The following MAPK8IP3 variants were observed in gnomAD, a reference collection of about 807,000 sequenced individuals.
The protein encoded by MAPK8IP3 is C-Jun-amino-terminal kinase-interacting protein 3.
A neutral mutation model predicts 157.8 loss-of-function variants in MAPK8IP3; 49 were observed. The observed-to-expected ratio is 0.31, with a 90% CI of 0.25 to 0.39. MAPK8IP3 has a LOEUF of 0.39. Ranked by LOEUF, MAPK8IP3 falls within the 10% of genes least tolerant of loss-of-function variation. The probability of loss-of-function intolerance (pLI) is 1.00; values close to 1 mark genes in which losing one functional copy is unlikely to be tolerated. For synonymous variants in MAPK8IP3, 897 were observed against 777.7 expected, an observed-to-expected ratio of 1.15 and a Z score of -2.55; for missense variants, 1,478 against 1,889.4, an observed-to-expected ratio of 0.78 and a Z score of 4.04.
rs553302663 is a variant in MAPK8IP3, at chr16:1,724,500, G to C, written c.319-57G>C. 6.3e-7 allele frequency: 1 copy of C among 1,581,126 alleles called. No individual in the cohort carries two copies. Among genetic ancestry groups the C allele is most frequent in the Non-Finnish European group, 8.6e-7 (1 of 1,160,480 alleles). ...AAAGCCTGCGGCCCTTCAAGTGAAA[G>C]GCGGCTGCTCCACACTCACTCCTGA... On this transcript the variant is annotated intron_variant, in intron 1 of 31. Coordinates refer to ENST00000610761, the MANE Select transcript of MAPK8IP3 (RefSeq NM_001318852.2). This position sits in a 1 kb window ranked among gnomAD's most constrained non-coding sequence, Gnocchi z 4.1.
rs1197092661 is a variant in MAPK8IP3 at position 1,706,962 on chromosome 16, G to A, written c.318+305G>A. Among the ~76,000 whole-genome samples, 2 of 100,878 alleles carry A rather than the reference G, an allele frequency of 2.0e-5. No individual in the cohort carries two copies. The highest frequency in any genetic ancestry group is 7.9e-5 in the African/African-American group (2 of 25,406). 66.2% of individuals were successfully genotyped at this position (100,878 alleles called of 152,430 possible). On this transcript the variant is annotated intron_variant, in intron 1 of 31. Coordinates refer to ENST00000610761, the MANE Select transcript of MAPK8IP3 (RefSeq NM_001318852.2). This position sits in a 1 kb window ranked among gnomAD's most constrained non-coding sequence, Gnocchi z 5.1. ...GGCCTGGGCCCTGGCCCCCTCCTCC[G>A]TGCCCCCAGCCCTGAATCTTCAGCC...
intron 8 of MAPK8IP3, among the ~76,000 whole-genome samples, chr16:1,752,766 A>AAG (rs899468656): frequency 2.1e-5 from 3 of 144,354 alleles, no homozygotes; most frequent in Non-Finnish European, 4.6e-5. Flanking sequence ...AAAAAAAAAA[A>AAG]AGAGAGAAGG....
At chr16:1,715,822 G>A (rs1020981821) in intron 1 of MAPK8IP3, among the ~76,000 whole-genome samples, 1 of 151,540 alleles carries the variant, frequency 6.6e-6, no homozygotes, top group African/African-American at 2.4e-5. Flanking sequence ...TCTGCCTCCC[G>A]GGTTCAAGCG....
intron 1 of MAPK8IP3, among the ~76,000 whole-genome samples, chr16:1,721,528 G>A (rs915686621): frequency 1.1e-4 from 16 of 152,052 alleles, no homozygotes; most frequent in African/African-American, 3.6e-4. Flanking sequence ...GACCTCCTGG[G>A]GTCACTGCAG....
intron 5 of MAPK8IP3, chr16:1,746,063 C>T (rs2040941923): frequency 6.6e-6 from 1 of 152,264 alleles, no homozygotes; most frequent in African/African-American, 2.4e-5. Context: ...GGTGCGCCCT[C>T]TGAGAGACCA....
rs1433533181 is a variant in MAPK8IP3 at position 1,724,080 on chromosome 16, A to T, written c.319-477A>T. Among the ~76,000 whole-genome samples, 1 of 152,032 alleles carries T rather than the reference A, an allele frequency of 6.6e-6. No homozygotes were observed. The highest frequency in any genetic ancestry group is 2.4e-5 in the African/African-American group (1 of 41,382). The stretch of plus-strand genomic sequence containing the variant: ...GCGTGGAGTTGAGGGGAGTCAGATG[A>T]CTCCATTGCAAACAGGACTGGCTGT... On this transcript the variant is annotated intron_variant, in intron 1 of 31. Coordinates refer to ENST00000610761, the MANE Select transcript of MAPK8IP3 (RefSeq NM_001318852.2). This position sits in a 1 kb window ranked among gnomAD's most constrained non-coding sequence, Gnocchi z 4.1.
chr16:1,755,402 G>T (rs1474537881), intron 8 of MAPK8IP3, among the ~76,000 whole-genome samples: 1 of 152,190 alleles, frequency 6.6e-6, no homozygotes, highest in Non-Finnish European at 1.5e-5. Flanking sequence ...TGGCACCTGT[G>T]GTCCTAGCTA....
chr16:1,727,255 C>G (rs895503738), intron 2 of MAPK8IP3, among the ~76,000 whole-genome samples: 3 of 128,592 alleles, frequency 2.3e-5, no homozygotes, highest in South Asian at 2.6e-4. Flanking sequence ...CTGTGTGACT[C>G]TGCTGTGTGT....
At chr16:1,767,412 C>A in intron 26 of MAPK8IP3, 115 bp downstream of exon 26, 1 of 1,507,240 alleles carries the variant, frequency 6.6e-7, no homozygotes. Flanking sequence ...CTCCCCTGTA[C>A]CACCTATGAC....
chr16:1,734,065 G>T (rs114505199), intron 4 of MAPK8IP3, among the ~76,000 whole-genome samples: 2,820 of 152,340 alleles, frequency 0.019, 97 homozygotes, highest in African/African-American at 0.063. Flanking sequence ...TCTCATCCAG[G>T]TTTACACCAA....
Position 1,766,128 on chromosome 16 carries a change from T to G in MAPK8IP3, c.2615T>G (p.Leu872Arg). ...TCCTCCCGAGGGGACACCCCAGTGC[T>G]AGACAAGGGGCAGGGTGAGTCCTGG... is the stretch of plus-strand genomic sequence containing the variant. ...NCSSRGDTPV[L>R]DKGQGEVATI... Residue 872 changes from leucine to arginine, a missense_variant, in exon 21 of 32, where the codon CTA becomes CGA. This residue lies in a region of MAPK8IP3 where 669 missense variants were observed against 759.8 expected (regional missense o/e 0.88). Transcript: ENST00000610761. 1 of 1,611,328 alleles carries G rather than the reference T, an allele frequency of 6.2e-7. No homozygotes were observed. Among genetic ancestry groups the G allele is most frequent in the Admixed American group, 1.7e-5 (1 of 59,970 alleles).
intron 4 of MAPK8IP3, among the ~76,000 whole-genome samples, chr16:1,732,426 A>C (rs1319719172): frequency 6.6e-6 from 1 of 152,226 alleles, no homozygotes; most frequent in African/African-American, 2.4e-5. Flanking sequence ...CACGTTCTGG[A>C]TGATACAGAA....
chr16:1,707,557 C>T (rs2037481780), intron 1 of MAPK8IP3: 1 of 152,322 alleles, frequency 6.6e-6, no homozygotes, highest in Non-Finnish European at 1.5e-5. Context: ...GGGAGCACCA[C>T]TTAGCTTCAT....
intron 4 of MAPK8IP3, among the ~76,000 whole-genome samples, chr16:1,734,600 G>C (rs2039537965): frequency 6.6e-6 from 1 of 152,200 alleles, no homozygotes; most frequent in Non-Finnish European, 1.5e-5. Context: ...TGCCTTTGTG[G>C]GGTCAGGGGT....
At chr16:1,709,869 T>A (rs920786953) in intron 1 of MAPK8IP3, among the ~76,000 whole-genome samples, 2 of 152,190 alleles carry the variant, frequency 1.3e-5, no homozygotes, top group African/African-American at 2.4e-5. Flanking sequence ...TGGTCATTAT[T>A]TGCCTTAAAA....
Position 1,743,754 on chromosome 16 carries a change from C to G in MAPK8IP3, c.747+278C>G. 7.5e-7 allele frequency: 1 copy of G among 1,329,264 alleles called. No homozygotes were observed. The highest frequency in any genetic ancestry group is 1.8e-5 in the South Asian group (1 of 54,192). 82.3% of individuals were successfully genotyped at this position (1,329,264 alleles called of 1,614,324 possible). A position where few individuals can be genotyped will look rare whatever the true frequency, so the allele number is the denominator to read the frequency against. ...GCCCTTGGATAGACCGCTCTGTAGC[C>G]AGGGGTGTACAGTGCCTGTCAGGGT... On this transcript the variant is annotated intron_variant, in intron 5 of 31. Transcript: ENST00000610761. The surrounding 1 kb of genome is among the most constrained non-coding windows in gnomAD (Gnocchi z 5.6).
intron 2 of MAPK8IP3, 49 bp from the exon 3 acceptor site, chr16:1,729,089 G>A: frequency 6.4e-7 from 1 of 1,558,690 alleles, no homozygotes; most frequent in African/African-American, 1.4e-5. Flanking sequence ...AGAGTTCAGG[G>A]CCATGGAGAA....
intron 8 of MAPK8IP3, among the ~76,000 whole-genome samples, chr16:1,756,671 A>C (rs1034905860): frequency 8.0e-6 from 1 of 125,080 alleles, no homozygotes; most frequent in African/African-American, 3.0e-5. Flanking sequence ...CACACACACA[A>C]ATTAGCCGGG....
intron 8 of MAPK8IP3, among the ~76,000 whole-genome samples, chr16:1,750,943 C>T (rs935712111): frequency 5.3e-5 from 8 of 152,126 alleles, no homozygotes; most frequent in African/African-American, 1.9e-4. Context: ...CACTCCTGGC[C>T]GATTGTTTTA....
Sources: gnomAD v4.1 joint callset for allele counts (sites outside exome capture counted in the v4.1 genomes callset) on GRCh38, gnomAD v4.1.1 for gene constraint, gnomAD v4.1.1 regional missense constraint, Gnocchi (gnomAD v3.1) non-coding constraint, MANE v1.5 for transcripts, NCBI Gene and HGNC (gene_info 2026-07-23, HGNC 2026-07-21) for gene names.